The following KCND3 variants were observed in gnomAD, a reference collection of about 807,000 sequenced individuals.
KCND3 encodes potassium voltage-gated channel subfamily D member 3.
Under a neutral mutation model 51.1 loss-of-function variants are expected in KCND3, and 9 were observed. That is an observed-to-expected ratio of 0.18 (90% CI 0.11 to 0.31). The LOEUF is 0.31. Ranked by LOEUF, KCND3 falls within the 10% of genes least tolerant of loss-of-function variation. The pLI, the probability that KCND3 is intolerant of heterozygous loss-of-function variation, is 1.00. For synonymous variants in KCND3, 349 were observed against 368.0 expected (o/e 0.95, Z 0.59); for missense variants, 526 against 903.8 (o/e 0.58, Z 5.36).
intron 2 of KCND3, among the ~76,000 whole-genome samples, chr1:111,950,837 G>A (rs1237101394): frequency 6.6e-6 from 1 of 152,184 alleles, no homozygotes; most frequent in African/African-American, 2.4e-5. Context: ...GAGGCAGGAT[G>A]CCCTGTGATA....
intron 3 of KCND3, among the ~76,000 whole-genome samples, chr1:111,782,250 T>C (rs1188901927): frequency 1.3e-5 from 2 of 152,192 alleles, no homozygotes; most frequent in African/African-American, 4.8e-5. Context: ...AAAGGATGTA[T>C]ATCTCTTGCT....
At chr1:111,793,351 A>AT (rs913424034) in intron 2 of KCND3, among the ~76,000 whole-genome samples, 7 of 151,146 alleles carry the variant, frequency 4.6e-5, no homozygotes, top group Middle Eastern at 3.4e-3. Flanking sequence ...AATTTTTTGT[A>AT]TTTTTTTAGT....
rs1218255720 is a variant in KCND3, at chr1:111,772,764, G to C, written c.*3313C>G. 2 of 152,266 alleles carry C rather than the reference G, an allele frequency of 1.3e-5. No homozygotes were observed. The highest frequency in any genetic ancestry group is 4.8e-5 in the African/African-American group (2 of 41,548). 9.4% of individuals were successfully genotyped at this position (152,266 alleles called of 1,614,324 possible). A position where few individuals can be genotyped will look rare whatever the true frequency, so the allele number is the denominator to read the frequency against. ...ATGTAACTGTTAGGTTGGTTGGTTG[G>C]TTTGTTTTTCCCTCCCCCTCTTAAT... On this transcript the variant is annotated 3_prime_UTR_variant, in exon 8 of 8. Transcript: ENST00000302127.
intron 3 of KCND3, among the ~76,000 whole-genome samples, chr1:111,783,849 AC>A (rs1664492475): frequency 6.6e-6 from 1 of 152,222 alleles, no homozygotes; most frequent in Admixed American, 6.5e-5. Flanking sequence ...TTATACAGCA[AC>A]TTGGATGAAA....
At chr1:111,804,935 G>C (rs1010424606) in intron 2 of KCND3, among the ~76,000 whole-genome samples, 18 of 152,250 alleles carry the variant, frequency 1.2e-4, no homozygotes, top group African/African-American at 4.3e-4. Context: ...GACAGCACAG[G>C]AGGCGCCACC....
chr1:111,945,042 A>G (rs1047774599), intron 2 of KCND3, among the ~76,000 whole-genome samples: 47 of 152,174 alleles, frequency 3.1e-4, no homozygotes, highest in African/African-American at 1.1e-3. Flanking sequence ...ATATTTGAGG[A>G]AGGAAGGAGG....
rs1229800003 is a variant in KCND3, at chr1:111,770,716, AG to A, written c.*5360del. 6.6e-6 allele frequency: 1 copy of A among 152,202 alleles called. No homozygotes were observed. The highest frequency in any genetic ancestry group is 1.5e-5 in the Non-Finnish European group (1 of 68,030). 9.4% of individuals were successfully genotyped at this position (152,202 alleles called of 1,614,324 possible). Reference sequence around the variant, plus strand: ...AATCCAGATTGGATACATCAGGTACAGCAGTGGCACACGACTCAATACTGTA... The same window carrying A: ...AATCCAGATTGGATACATCAGGTACACAGTGGCACACGACTCAATACTGTA... On this transcript the variant is annotated 3_prime_UTR_variant, in exon 8 of 8. Transcript: ENST00000302127.
rs529362943 is a variant in KCND3 at position 111,951,070 on chromosome 1, C to T, written c.1106+30551G>A. 6.8e-4 allele frequency among the ~76,000 whole-genome samples: 98 copies of T among 145,122 alleles called. 1 individual carries two copies. Among genetic ancestry groups the T allele is most frequent in the African/African-American group, 2.2e-3 (84 of 38,950 alleles). ...CTGTAATCCCAGCTACTTGGGAGGC[C>T]GAGGCAGGAGAACCGCTTGAATCTG... On this transcript the variant is annotated intron_variant, in intron 2 of 7. Transcript: ENST00000302127.
Position 111,982,850 on chromosome 1 carries a change from G to C in KCND3, c.-72-52C>G. On this transcript the variant is annotated intron_variant, in intron 1 of 7. Transcript: ENST00000302127. This position sits in a 1 kb window ranked among gnomAD's most constrained non-coding sequence, Gnocchi z 8.5. ...AGCGGTGAGTCCATATCGACTGGCA[G>C]GTAAGAAATGGGACACAGGAAAGGA... 2 of 1,315,802 alleles carry C rather than the reference G, an allele frequency of 1.5e-6. No individual in the cohort carries two copies. The highest frequency in any genetic ancestry group is 2.6e-5 in the South Asian group (2 of 78,236). 81.5% of individuals were successfully genotyped at this position (1,315,802 alleles called of 1,614,324 possible). A position where few individuals can be genotyped will look rare whatever the true frequency, so the allele number is the denominator to read the frequency against.
chr1:111,855,847 A>T (rs1283648674), intron 2 of KCND3, among the ~76,000 whole-genome samples: 1 of 152,196 alleles, frequency 6.6e-6, no homozygotes, highest in Non-Finnish European at 1.5e-5. Flanking sequence ...CACTGTCACC[A>T]TCTAGGCTAA....
intron 2 of KCND3, among the ~76,000 whole-genome samples, chr1:111,833,611 G>A (rs1457084971): frequency 2.6e-5 from 4 of 152,210 alleles, no homozygotes; most frequent in East Asian, 3.9e-4. Context: ...TAAAGAGAAC[G>A]CTGTCCAAAT....
chr1:111,823,537 G>A (rs1309717408), intron 2 of KCND3, among the ~76,000 whole-genome samples: 2 of 152,086 alleles, frequency 1.3e-5, no homozygotes, highest in South Asian at 4.2e-4. Context: ...TTTTAATGAT[G>A]CTGGTTTTAC....
At chr1:111,899,513 G>T (rs1014525967) in intron 2 of KCND3, among the ~76,000 whole-genome samples, 2 of 152,186 alleles carry the variant, frequency 1.3e-5, no homozygotes, top group African/African-American at 2.4e-5. Context: ...CTGCAGAAAG[G>T]CCTCCTAAGA....
In KCND3 at chr1:111,775,817, C is replaced by CAA; in HGVS notation, c.*259_*260insTT. The CAA allele has an allele frequency of 5.3e-6, 1 of 188,528 alleles. No individual in the cohort carries two copies. Among genetic ancestry groups the CAA allele is most frequent in the Non-Finnish European group, 1.1e-5 (1 of 92,134 alleles). The allele number at this position is 188,528 out of a possible 1,614,324, so 11.7% of individuals were successfully genotyped here. Reference sequence around the variant, plus strand: ...TAGCCTATATCCCCCGGCCTATCCCCGACCCCCCCACCCTCCCTCCCTTCC... The same window carrying CAA: ...TAGCCTATATCCCCCGGCCTATCCCCAAGACCCCCCCACCCTCCCTCCCTTCC... On this transcript the variant is annotated 3_prime_UTR_variant, in exon 8 of 8. Transcript: ENST00000302127.
intron 2 of KCND3, among the ~76,000 whole-genome samples, chr1:111,866,959 A>G (rs1299633919): frequency 6.6e-6 from 1 of 152,172 alleles, no homozygotes; most frequent in African/African-American, 2.4e-5. Context: ...TTTTAAATGC[A>G]CATCATGAAA....
chr1:111,824,178 T>C (rs1025825080), intron 2 of KCND3, among the ~76,000 whole-genome samples: 1 of 148,520 alleles, frequency 6.7e-6, no homozygotes, highest in Admixed American at 6.7e-5. Context: ...AACAAGATAG[T>C]ACTAGGTCTG....
chr1:111,947,840 T>C (rs1445365579), intron 2 of KCND3, among the ~76,000 whole-genome samples: 2 of 152,170 alleles, frequency 1.3e-5, no homozygotes, highest in African/African-American at 4.8e-5. Context: ...ATGATAATTG[T>C]TGTTCGATTA....
intron 2 of KCND3, among the ~76,000 whole-genome samples, chr1:111,863,304 T>A (rs559338125): frequency 6.8e-6 from 1 of 146,374 alleles, no homozygotes. Context: ...GTGCCAGACA[T>A]TGACTAACCT....
chr1:111,966,290 G>C (rs1286012665), intron 2 of KCND3, among the ~76,000 whole-genome samples: 1 of 152,186 alleles, frequency 6.6e-6, no homozygotes, highest in South Asian at 2.1e-4. Flanking sequence ...CTTGCATTTT[G>C]CAGGGAACTC....
Sources: allele counts gnomAD v4.1 joint callset (sites outside exome capture counted in the v4.1 genomes callset), GRCh38; gene constraint gnomAD v4.1.1; non-coding constraint Gnocchi (gnomAD v3.1); transcripts MANE v1.5; gene names NCBI Gene and HGNC (gene_info 2026-07-23, HGNC 2026-07-21).